Variants in CD163L1 observed in about 807,000 individuals in gnomAD.
CD163L1 encodes scavenger receptor cysteine-rich type 1 protein M160.
A neutral mutation model predicts 165.4 loss-of-function variants in CD163L1; 124 were observed. The observed-to-expected ratio is 0.75, with a 90% CI of 0.65 to 0.87. The LOEUF (loss-of-function observed/expected upper bound fraction) is 0.87. Among genes scored for constraint, CD163L1 ranks in the 40% least tolerant of loss-of-function variants. CD163L1 has a pLI of 0.00. For synonymous variants in CD163L1, 585 were observed against 662.2 expected (o/e 0.88, Z 1.79); for missense variants, 1,525 against 1,799.9 (o/e 0.85, Z 2.76).
chr12:7,323,204 A>T, the CD163L1 span: 1 of 1,559,556 alleles, frequency 6.4e-7, no homozygotes, highest in African/African-American at 1.4e-5. Context: ...AAACTTTTGT[A>T]TACTTATACA....
intron 2 of CD163L1, among the ~76,000 whole-genome samples, chr12:7,436,904 G>A (rs988116939): frequency 1.3e-5 from 2 of 151,134 alleles, no homozygotes; most frequent in Admixed American, 1.3e-4. Flanking sequence ...AATCTATTTG[G>A]GTATATCCAA....
rs750325653 is a variant in CD163L1 at position 7,367,273 on chromosome 12, G to A, written c.4242C>T (p.Cys1414=). 1.3e-5 allele frequency: 21 copies of A among 1,613,440 alleles called. No homozygotes were observed. The highest frequency in any genetic ancestry group is 1.5e-5 in the Non-Finnish European group (18 of 1,179,548). The part of the protein sequence containing the change: ...EENLFHEMET[C]LKREDPHGTR... ...TCCCATGTGGGTCCTCTCTCTTGAG[G>A]CAGGTCTCCATCTCATGGAATAAAT... Residue 1414 remains cysteine (C), a synonymous_variant, in exon 18 of 20, where the codon TGC becomes TGT. Transcript: ENST00000313599.
chr12:7,374,298 A>G lies in CD163L1; in HGVS notation c.3409+144T>C. On this transcript the variant is annotated intron_variant, in intron 13 of 19. Coordinates refer to ENST00000313599, the MANE Select transcript of CD163L1 (RefSeq NM_174941.6). This position sits in a 1 kb window ranked among gnomAD's most constrained non-coding sequence, Gnocchi z 5.4. ...ATGACAAGGGTATTAAGAAATCAGTATAAGAGAATAGGATTAAAACCAAGT... is the reference window on the plus strand; with the variant it reads ...ATGACAAGGGTATTAAGAAATCAGTGTAAGAGAATAGGATTAAAACCAAGT... 1 of 747,434 alleles carries G rather than the reference A, an allele frequency of 1.3e-6. No homozygotes were observed. Among genetic ancestry groups the G allele is most frequent in the Non-Finnish European group, 2.1e-6 (1 of 465,730 alleles). 46.3% of individuals were successfully genotyped at this position (747,434 alleles called of 1,614,324 possible). A position where few individuals can be genotyped will look rare whatever the true frequency, so the allele number is the denominator to read the frequency against.
At chr12:7,328,539 T>C in the CD163L1 span, 2 of 421,896 alleles carry the variant, frequency 4.7e-6, no homozygotes, top group Middle Eastern at 6.1e-4. Flanking sequence ...TAAAAGTAAA[T>C]AAAAGCCTCA....
Position 7,375,403 on chromosome 12 carries a change from A to G in CD163L1, c.2879T>C (p.Val960Ala), listed in dbSNP as rs1262719364. The G allele has an allele frequency of 1.5e-5, 25 of 1,614,030 alleles. No homozygotes were observed. Among genetic ancestry groups the G allele is most frequent in the Non-Finnish European group, 1.9e-5 (23 of 1,180,028 alleles). Reference protein sequence around the residue: ...TGGKYIGERSVRVWGHRFHCL... With the variant: ...TGGKYIGERSARVWGHRFHCL... ...ATGAAACCTGTGTCCCCACACACGA[A>G]CACTTCTTTCTCCAATATATTTTCC... is the stretch of plus-strand genomic sequence containing the variant. The change falls in exon 11 of 20, where the codon GTT (valine) becomes GCT (alanine). Residue 960 changes from valine to alanine, a missense_variant. Transcript: ENST00000313599.
At chr12:7,322,886 G>C in the CD163L1 span, among the ~76,000 whole-genome samples, 1 of 152,144 alleles carries the variant, frequency 6.6e-6, no homozygotes, top group African/African-American at 2.4e-5. Flanking sequence ...GCATTTAACG[G>C]AGTCCAAGGA....
chr12:7,421,271 A>ATG lies in CD163L1; in HGVS notation c.766+11143_766+11144dup, dbSNP rs765145058. On this transcript the variant is annotated intron_variant, in intron 4 of 19. Transcript: ENST00000313599. ...AGATATATATGTATATATCTTCCAA[A>ATG]TGTGTGTATATATATATGTGTGTAT... is the stretch of plus-strand genomic sequence containing the variant. Among the ~76,000 whole-genome samples the ATG allele has an allele frequency of 2.6e-3, 305 of 119,194 alleles. 2 individuals carry two copies. Among genetic ancestry groups the ATG allele is most frequent in the African/African-American group, 9.9e-3 (287 of 29,044 alleles). 78.2% of individuals were successfully genotyped at this position (119,194 alleles called of 152,430 possible).
rs1257270447 is a variant in CD163L1 at position 7,372,885 on chromosome 12, T to C, written c.3730+435A>G. On this transcript the variant is annotated intron_variant, in intron 14 of 19. Transcript: ENST00000313599. The surrounding 1 kb of genome is among the most constrained non-coding windows in gnomAD (Gnocchi z 4.2). Reference sequence around the variant, plus strand: ...AATAAGACAATTTACAAGTGTCTTATAAATAATCAACTAACTTCCCATAGT... The same window carrying C: ...AATAAGACAATTTACAAGTGTCTTACAAATAATCAACTAACTTCCCATAGT... Among the ~76,000 whole-genome samples, 2 of 152,150 alleles carry C rather than the reference T, an allele frequency of 1.3e-5. No homozygotes were observed. Among genetic ancestry groups the C allele is most frequent in the Non-Finnish European group, 2.9e-5 (2 of 68,000 alleles).
intron 4 of CD163L1, among the ~76,000 whole-genome samples, chr12:7,422,519 A>G (rs1948457984): frequency 6.6e-6 from 1 of 151,870 alleles, no homozygotes; most frequent in African/African-American, 2.4e-5. Context: ...TTCTAACCCA[A>G]TGCAAGGAAG....
At chr12:7,350,081 G>A (rs1001567357), downstream of CD163L1, among the ~76,000 whole-genome samples, 1 of 152,174 alleles carries the variant, frequency 6.6e-6, no homozygotes, top group African/African-American at 2.4e-5. Context: ...GAGGAGCTAC[G>A]GAGAAAGTCA....
At chr12:7,388,291 T>C (rs891494371) in intron 8 of CD163L1, among the ~76,000 whole-genome samples, 3 of 152,160 alleles carry the variant, frequency 2.0e-5, no homozygotes, top group African/African-American at 7.2e-5. Flanking sequence ...ACTAAAAAGC[T>C]TCTACACAGC....
intron 8 of CD163L1, among the ~76,000 whole-genome samples, chr12:7,382,532 A>C (rs1247485317): frequency 6.6e-6 from 1 of 152,162 alleles, no homozygotes; most frequent in Non-Finnish European, 1.5e-5. Context: ...CCCACTGTAG[A>C]AAAAGAATAA....
chr12:7,407,042 G>GA (rs1948037239), intron 4 of CD163L1, among the ~76,000 whole-genome samples, 190 bp from the exon 5 acceptor site: 1 of 152,178 alleles, frequency 6.6e-6, no homozygotes, highest in Non-Finnish European at 1.5e-5. Context: ...ATCATACTAT[G>GA]ATGTTGACAA....
intron 18 of CD163L1, 109 bp from the exon 19 acceptor site, chr12:7,357,595 A>G: frequency 1.4e-6 from 1 of 737,432 alleles, no homozygotes; most frequent in Non-Finnish European, 2.3e-6. Flanking sequence ...ATAGAGCAAG[A>G]GGTGACTATT....
intron 4 of CD163L1, among the ~76,000 whole-genome samples, chr12:7,426,105 G>C (rs879944896): frequency 2.0e-5 from 3 of 152,152 alleles, no homozygotes; most frequent in Non-Finnish European, 4.4e-5. Flanking sequence ...GGAATACTAT[G>C]CAGCCATAAA....
chr12:7,398,870 C>T lies in CD163L1; in HGVS notation c.1409-286G>A, dbSNP rs750475755. On this transcript the variant is annotated intron_variant, in intron 6 of 19. Coordinates refer to ENST00000313599, the MANE Select transcript of CD163L1 (RefSeq NM_174941.6). The surrounding 1 kb of genome is among the most constrained non-coding windows in gnomAD (Gnocchi z 4.5). ...TGACGGATTTGGATAAGATGAGCAA[C>T]GTGGAAGCATGCAGAGAAGTTCTTT... Among the ~76,000 whole-genome samples the T allele has an allele frequency of 1.6e-4, 25 of 152,204 alleles. No homozygotes were observed. The South Asian group carries it at 3.7e-3, about 23-fold the overall frequency.
chr12:7,344,510 A>G (rs2136358498), downstream of CD163L1, among the ~76,000 whole-genome samples: 1 of 152,326 alleles, frequency 6.6e-6, no homozygotes, highest in South Asian at 2.1e-4. Context: ...TGGCTTTTTC[A>G]TGCTGAGATT....
intron 2 of CD163L1, among the ~76,000 whole-genome samples, chr12:7,440,594 A>G (rs1725337224): frequency 6.6e-6 from 1 of 150,688 alleles, no homozygotes; most frequent in Admixed American, 6.6e-5. Flanking sequence ...TTTCAGTGAG[A>G]CATTTTACGT....
intron 9 of CD163L1, among the ~76,000 whole-genome samples, chr12:7,377,727 A>C (rs775162906): frequency 2.6e-5 from 4 of 152,212 alleles, no homozygotes; most frequent in African/African-American, 9.6e-5. Flanking sequence ...CATCTTTTTG[A>C]AACATCTTCC....
Sources: gnomAD v4.1 joint callset for allele counts (sites outside exome capture counted in the v4.1 genomes callset) on GRCh38, gnomAD v4.1.1 for gene constraint, Gnocchi (gnomAD v3.1) non-coding constraint, MANE v1.5 for transcripts, NCBI Gene and HGNC (gene_info 2026-07-23, HGNC 2026-07-21) for gene names.